NEK7: variants seen among roughly 807,000 people sequenced by gnomAD.
NEK7 encodes the protein serine/threonine-protein kinase Nek7.
A neutral mutation model predicts 44.6 loss-of-function variants in NEK7; 18 were observed. The ratio of observed to expected loss-of-function variants is 0.40; its 90% CI spans 0.28 to 0.60. The LOEUF (loss-of-function observed/expected upper bound fraction) is 0.60. Ranked by LOEUF, NEK7 falls within the 20% of genes least tolerant of loss-of-function variation. NEK7 has a pLI of 0.38. For synonymous variants in NEK7, 130 were observed against 121.1 expected, an observed-to-expected ratio of 1.07 and a Z score of -0.48; for missense variants, 256 against 366.5, an observed-to-expected ratio of 0.70 and a Z score of 2.46.
chr1:198,319,685 A>G lies in NEK7; in HGVS notation c.*163A>G. 1 of 732,356 alleles carries G rather than the reference A, an allele frequency of 1.4e-6. No homozygotes were observed. Among genetic ancestry groups the G allele is most frequent in the African/African-American group, 1.8e-5 (1 of 54,556 alleles). 45.4% of individuals were successfully genotyped at this position (732,356 alleles called of 1,614,324 possible). On this transcript the variant is annotated 3_prime_UTR_variant, in exon 10 of 10. Transcript: ENST00000367385. The stretch of plus-strand genomic sequence containing the variant: ...GCTTCATTTTGTACCAGTCACCTAA[A>G]TCACCTCCTTGCAACCCCCAAATGA...
intron 9 of NEK7, among the ~76,000 whole-genome samples, chr1:198,302,138 A>C (rs896297055): frequency 1.1e-4 from 17 of 152,178 alleles, no homozygotes; most frequent in Admixed American, 1.1e-3. Context: ...TCCAGCCCAC[A>C]GATAGAAAAC....
chr1:198,186,028 G>A (rs1004627971), intron 1 of NEK7, among the ~76,000 whole-genome samples: 2 of 152,172 alleles, frequency 1.3e-5, no homozygotes, highest in Non-Finnish European at 2.9e-5. Context: ...ATCTTATCTC[G>A]AAGGAGCTAT....
chr1:198,224,519 A>G (rs1053200743), intron 1 of NEK7, among the ~76,000 whole-genome samples: 1 of 151,954 alleles, frequency 6.6e-6, no homozygotes, highest in African/African-American at 2.4e-5. Context: ...ATACGTCTGT[A>G]CTTCAACCGA....
chr1:198,281,672 G>A (rs941928990), intron 7 of NEK7, among the ~76,000 whole-genome samples: 2 of 151,972 alleles, frequency 1.3e-5, no homozygotes, highest in Non-Finnish European at 2.9e-5. Context: ...CATTTTTGTT[G>A]AAAAATCAAG....
At chr1:198,189,551 A>G (rs2102763725) in intron 1 of NEK7, among the ~76,000 whole-genome samples, 1 of 152,238 alleles carries the variant, frequency 6.6e-6, no homozygotes, top group African/African-American at 2.4e-5. Flanking sequence ...CAATTTGTAT[A>G]CAAATTTTCG....
chr1:198,202,592 G>A (rs73076975), intron 1 of NEK7, among the ~76,000 whole-genome samples: 3,694 of 152,272 alleles, frequency 0.024, 142 homozygotes, highest in African/African-American at 0.084. Context: ...TGAAAAAGAA[G>A]TCTAATGGAA....
chr1:198,283,710 A>G lies in NEK7; in HGVS notation c.589+4649A>G, dbSNP rs76303473. ...TATATCTACATCTTTAAAATTTATGATGAGGGCACAACTTTCTTAAGCTTT... is the reference window on the plus strand; with the variant it reads ...TATATCTACATCTTTAAAATTTATGGTGAGGGCACAACTTTCTTAAGCTTT... On this transcript the variant is annotated intron_variant, in intron 7 of 9. Transcript: ENST00000367385. Among the ~76,000 whole-genome samples the G allele has an allele frequency of 1.2e-3, 178 of 152,232 alleles. 4 individuals are homozygous for G. The East Asian group carries it at 0.03, about 25-fold the overall frequency.
intron 2 of NEK7, among the ~76,000 whole-genome samples, chr1:198,234,790 C>T (rs1447665068): frequency 6.6e-6 from 1 of 152,192 alleles, no homozygotes; most frequent in Non-Finnish European, 1.5e-5. Context: ...AGGCAAGTGT[C>T]GTCCCAGGTT....
intron 9 of NEK7, among the ~76,000 whole-genome samples, chr1:198,316,121 T>C (rs1250353950): frequency 1.3e-5 from 2 of 152,140 alleles, no homozygotes; most frequent in Admixed American, 6.5e-5. Context: ...TAGGCCGGAA[T>C]TGAATGATGT....
At chr1:198,221,001 A>G (rs1239925083) in intron 1 of NEK7, 1 of 152,120 alleles carries the variant, frequency 6.6e-6, no homozygotes, top group Non-Finnish European at 1.5e-5. Flanking sequence ...TATTTCAGGA[A>G]AAGGAAACTA....
chr1:198,304,965 T>A (rs956783803), intron 9 of NEK7, among the ~76,000 whole-genome samples: 13 of 152,148 alleles, frequency 8.5e-5, no homozygotes, highest in African/African-American at 3.1e-4. Flanking sequence ...TGCAAAGGCT[T>A]TTGTATATTC....
chr1:198,186,154 T>C (rs192084719), intron 1 of NEK7, among the ~76,000 whole-genome samples: 65 of 152,298 alleles, frequency 4.3e-4, no homozygotes, highest in African/African-American at 1.4e-3. Context: ...CAGAAATTAT[T>C]TTTACTTGTG....
chr1:198,316,112 A>G (rs888115715), intron 9 of NEK7, among the ~76,000 whole-genome samples: 3 of 152,232 alleles, frequency 2.0e-5, no homozygotes, highest in African/African-American at 7.2e-5. Context: ...GAGAAGGTCT[A>G]GGCCGGAATT....
In NEK7 at chr1:198,312,635, T is replaced by G. The variant is rs1655225451; in HGVS notation, c.799-6777T>G. The stretch of plus-strand genomic sequence containing the variant: ...ATGAGTCCCAGAGATTCTTGTATGT[T>G]GTGTCTTTGTTCTCGTTGGTTTCAA... On this transcript the variant is annotated intron_variant, in intron 9 of 9. Coordinates refer to ENST00000367385, the MANE Select transcript of NEK7 (RefSeq NM_133494.3). Among the ~76,000 whole-genome samples, 5 of 151,882 alleles carry G rather than the reference T, an allele frequency of 3.3e-5. No homozygotes were observed. In the South Asian group the frequency reaches 1.1e-3, roughly 32 times the overall value.
rs188400095 is a variant in NEK7 at position 198,300,267 on chromosome 1, T to C, written c.798+3027T>C. Among the ~76,000 whole-genome samples, 58 of 152,312 alleles carry C rather than the reference T, an allele frequency of 3.8e-4. 1 individual carries two copies. Among genetic ancestry groups the C allele is most frequent in the Non-Finnish European group, 6.3e-4 (43 of 68,026 alleles). ...TGACAGTGAAGCAAACATTTTCTTA[T>C]GTATAAGGAATTGTGACTCAAAAGG... On this transcript the variant is annotated intron_variant, in intron 9 of 9. Transcript: ENST00000367385.
intron 1 of NEK7, 103 bp from the exon 2 acceptor site, chr1:198,232,450 A>G (rs935290550): frequency 6.8e-6 from 4 of 587,586 alleles, no homozygotes; most frequent in East Asian, 3.1e-5. Flanking sequence ...TTTTTGAAGC[A>G]TCAAGTAAAT....
At chr1:198,261,711 CACTTA>C (rs886410640) in intron 3 of NEK7, among the ~76,000 whole-genome samples, 2 of 151,842 alleles carry the variant, frequency 1.3e-5, no homozygotes, top group Non-Finnish European at 2.9e-5. Flanking sequence ...ATTTTCCACA[CACTTA>C]GAACCTTGAG....
chr1:198,176,879 A>T (rs1664618161), intron 1 of NEK7, among the ~76,000 whole-genome samples: 1 of 152,132 alleles, frequency 6.6e-6, no homozygotes, highest in Non-Finnish European at 1.5e-5. Flanking sequence ...AACAGTTTAG[A>T]GTGTTCAAGA....
chr1:198,277,326 C>A (rs1015416592), intron 5 of NEK7, among the ~76,000 whole-genome samples: 1 of 151,648 alleles, frequency 6.6e-6, no homozygotes, highest in South Asian at 2.1e-4. Flanking sequence ...GTGCCAGGAC[C>A]CCTCTCCTAA....
Sources: gnomAD v4.1 joint callset for allele counts (sites outside exome capture counted in the v4.1 genomes callset) on GRCh38, gnomAD v4.1.1 for gene constraint, MANE v1.5 for transcripts, NCBI Gene and HGNC (gene_info 2026-07-23, HGNC 2026-07-21) for gene names.